PHACTR2: variants seen among roughly 807,000 people sequenced by gnomAD.
PHACTR2 encodes chromosome 6 open reading frame 56.
A neutral mutation model predicts 76.0 loss-of-function variants in PHACTR2; 30 were observed. The ratio of observed to expected loss-of-function variants is 0.39; its 90% CI spans 0.30 to 0.54. The LOEUF (loss-of-function observed/expected upper bound fraction) is 0.54, where lower values mean the gene tolerates loss of function less well. PHACTR2 is among the 20% of genes least tolerant of loss of function. The pLI, the probability that PHACTR2 is intolerant of heterozygous loss-of-function variation, is 0.61. For missense variants in PHACTR2, 696 were observed against 781.1 expected, an observed-to-expected ratio of 0.89 and a Z score of 1.30; for synonymous variants, 292 against 292.5, an observed-to-expected ratio of 1.00 and a Z score of 0.02.
At chr6:143,626,732 A>C (rs1776267301) in intron 1 of PHACTR2, among the ~76,000 whole-genome samples, 1 of 152,194 alleles carries the variant, frequency 6.6e-6, no homozygotes, top group South Asian at 2.1e-4. Flanking sequence ...CGTTGCTCTT[A>C]AGAGCTTCTG....
At position 143,581,557 on chromosome 6, in the gene PHACTR2, G is replaced by A. The variant is rs889091228; in HGVS notation, c.217+44350G>A. On this transcript the variant is annotated intron_variant, in intron 1 of 11. Transcript: ENST00000367584. This position sits in a 1 kb window ranked among gnomAD's most constrained non-coding sequence, Gnocchi z 4.5. Reference sequence around the variant, plus strand: ...ACTGAAACAGGAGGAATGGCGGGAAGGATGAATGGATATGTGTATTAATTA... The same window carrying A: ...ACTGAAACAGGAGGAATGGCGGGAAAGATGAATGGATATGTGTATTAATTA... Among the ~76,000 whole-genome samples the A allele has an allele frequency of 6.6e-6, 1 of 152,204 alleles. No homozygotes were observed. Among genetic ancestry groups the A allele is most frequent in the Non-Finnish European group, 1.5e-5 (1 of 68,036 alleles).
chr6:143,578,085 T>C lies in PHACTR2; in HGVS notation c.217+40878T>C, dbSNP rs555225523. 1.3e-5 allele frequency among the ~76,000 whole-genome samples: 2 copies of C among 152,286 alleles called. No individual in the cohort carries two copies. The highest frequency in any genetic ancestry group is 6.5e-5 in the Admixed American group (1 of 15,304). On this transcript the variant is annotated intron_variant, in intron 1 of 11. Coordinates refer to the PHACTR2 transcript ENST00000367584. This position sits in a 1 kb window ranked among gnomAD's most constrained non-coding sequence, Gnocchi z 4.5. ...TGCTTACTAGGCCCCTCCCTTTCCC[T>C]CTCATGGATTAAATCAGCCATAGTC...
intron 5 of PHACTR2, among the ~76,000 whole-genome samples, chr6:143,763,263 G>C (rs777541583): frequency 6.6e-6 from 1 of 152,090 alleles, no homozygotes; most frequent in Non-Finnish European, 1.5e-5. Flanking sequence ...GGAGACTGAG[G>C]CAGGAGAATC....
At chr6:143,721,811 G>A (rs148414468) in intron 2 of PHACTR2, among the ~76,000 whole-genome samples, 2 of 152,108 alleles carry the variant, frequency 1.3e-5, no homozygotes. Flanking sequence ...TTTTTATGGA[G>A]TTCCTGGCCC....
Position 143,824,142 on chromosome 6 carries a change from G to T in PHACTR2, c.*453G>T. 1 of 159,846 alleles carries T rather than the reference G, an allele frequency of 6.3e-6. No individual in the cohort carries two copies. Among genetic ancestry groups the T allele is most frequent in the Admixed American group, 6.0e-5 (1 of 16,604 alleles). The allele number at this position is 159,846 out of a possible 1,614,324, so 9.9% of individuals were successfully genotyped here. On this transcript the variant is annotated 3_prime_UTR_variant, in exon 13 of 13. Coordinates refer to ENST00000440869, the MANE Select transcript of PHACTR2 (RefSeq NM_001100164.2). The surrounding 1 kb of genome is among the most constrained non-coding windows in gnomAD (Gnocchi z 6.3). ...TTAATGAAGAAAAGAGAAAATTGAAGCATAAATGTATTTTTGAAGTAGTTA... is the reference window on the plus strand; with the variant it reads ...TTAATGAAGAAAAGAGAAAATTGAATCATAAATGTATTTTTGAAGTAGTTA...
chr6:143,685,545 T>G (rs988218112), intron 1 of PHACTR2, among the ~76,000 whole-genome samples: 16 of 152,084 alleles, frequency 1.1e-4, no homozygotes, highest in Non-Finnish European at 2.2e-4. Context: ...ATGACGTTCA[T>G]CCGGGGTAAC....
rs1422614089 is a variant in PHACTR2, at chr6:143,616,428, A to G, written c.13+8106A>G. Among the ~76,000 whole-genome samples the G allele has an allele frequency of 6.6e-6, 1 of 152,114 alleles. No individual in the cohort carries two copies. The highest frequency in any genetic ancestry group is 1.5e-5 in the Non-Finnish European group (1 of 68,004). ...TTCTGTTATTTTCCATGTATCCTCT[A>G]CATCTACCAGTCTGTTCCACGTCTG... On this transcript the variant is annotated intron_variant, in intron 1 of 11. Transcript: ENST00000305766. This position sits in a 1 kb window ranked among gnomAD's most constrained non-coding sequence, Gnocchi z 4.9.
Position 143,760,474 on chromosome 6 carries a change from C to T in PHACTR2, c.528C>T (p.Pro176=). 6.2e-7 allele frequency: 1 copy of T among 1,613,884 alleles called. No homozygotes were observed. Among genetic ancestry groups the T allele is most frequent in the Non-Finnish European group, 8.5e-7 (1 of 1,179,820 alleles). The part of the protein sequence containing the change: ...LPPSAPPKPR[P]KPKPKKSPVP... ...CTTCTGCTCCTCCTAAGCCTAGACC[C>T]AAACCTAAACCCAAAAAATCACCTG... The change falls in exon 5 of 13, where the codon CCC becomes CCT. Residue 176 remains proline (P), a synonymous_variant. Coordinates refer to ENST00000440869, the MANE Select transcript of PHACTR2 (RefSeq NM_001100164.2). This position sits in a 1 kb window ranked among gnomAD's most constrained non-coding sequence, Gnocchi z 6.4.
chr6:143,762,577 T>C (rs1225796359), intron 5 of PHACTR2, among the ~76,000 whole-genome samples: 3 of 152,212 alleles, frequency 2.0e-5, no homozygotes, highest in Non-Finnish European at 2.9e-5. Flanking sequence ...GATAGTCCAT[T>C]TGTAACCGTT....
intron 12 of PHACTR2, among the ~76,000 whole-genome samples, chr6:143,812,466 G>T (rs181045343): frequency 6.6e-6 from 1 of 152,176 alleles, no homozygotes; most frequent in East Asian, 1.9e-4. Flanking sequence ...GCACTGAGGG[G>T]GTACCTCTGA....
intron 1 of PHACTR2, among the ~76,000 whole-genome samples, chr6:143,614,165 T>C (rs7766319): frequency 0.58 from 87,708 of 152,024 alleles, 26,708 homozygotes; most frequent in Middle Eastern, 0.71. Flanking sequence ...GAGGTTGCAG[T>C]GAGCCGAGAC....
rs867646719 is a variant in PHACTR2 at position 143,611,496 on chromosome 6, C to G, written c.13+3174C>G. 7.2e-5 allele frequency among the ~76,000 whole-genome samples: 11 copies of G among 152,274 alleles called. No individual in the cohort carries two copies. Among genetic ancestry groups the G allele is most frequent in the Middle Eastern group, 3.4e-3 (1 of 294 alleles). ...AACGTTGGCTCTGCTACCTGTCATC[C>G]CAGTGACTGTGAACAAGTAATAGAA... On this transcript the variant is annotated intron_variant, in intron 1 of 11. Coordinates refer to the PHACTR2 transcript ENST00000305766. This position sits in a 1 kb window ranked among gnomAD's most constrained non-coding sequence, Gnocchi z 4.4.
intron 2 of PHACTR2, among the ~76,000 whole-genome samples, chr6:143,728,764 G>A (rs1210859547): frequency 6.6e-6 from 1 of 151,984 alleles, no homozygotes. Flanking sequence ...AAATGGTGCT[G>A]GAAAAAGTGA....
intron 1 of PHACTR2, among the ~76,000 whole-genome samples, chr6:143,644,925 C>A (rs1776631618): frequency 6.6e-6 from 1 of 152,094 alleles, no homozygotes; most frequent in Non-Finnish European, 1.5e-5. Context: ...GCACCCATCA[C>A]CTGAGCAGTA....
Position 143,611,210 on chromosome 6 carries a change from C to G in PHACTR2, c.13+2888C>G, listed in dbSNP as rs919255012. On this transcript the variant is annotated intron_variant, in intron 1 of 11. Coordinates refer to the PHACTR2 transcript ENST00000305766. This position sits in a 1 kb window ranked among gnomAD's most constrained non-coding sequence, Gnocchi z 4.4. ...GTGTTGGGTTTTCCCTACTTGATAT[C>G]AAGATATTTCAGTTACCATGTGTGG... 3.3e-5 allele frequency among the ~76,000 whole-genome samples: 5 copies of G among 151,958 alleles called. No individual in the cohort carries two copies. Among genetic ancestry groups the G allele is most frequent in the African/African-American group, 1.2e-4 (5 of 41,342 alleles).
chr6:143,541,345 G>T lies in PHACTR2; in HGVS notation c.217+4138G>T, dbSNP rs1421390701. ...GGGGCATAGACCATGTAAAGATTCA[G>T]CAAGTACCGACTGTTGGCCTACTGG... On this transcript the variant is annotated intron_variant, in intron 1 of 11. Coordinates refer to the PHACTR2 transcript ENST00000367584. The surrounding 1 kb of genome is among the most constrained non-coding windows in gnomAD (Gnocchi z 5.3). 6.6e-6 allele frequency among the ~76,000 whole-genome samples: 1 copy of T among 152,224 alleles called. No individual in the cohort carries two copies. Among genetic ancestry groups the T allele is most frequent in the Non-Finnish European group, 1.5e-5 (1 of 68,036 alleles).
At chr6:143,660,868 A>C (rs938714182) in intron 1 of PHACTR2, among the ~76,000 whole-genome samples, 3 of 152,198 alleles carry the variant, frequency 2.0e-5, no homozygotes, top group African/African-American at 7.2e-5. Context: ...ATAAAACCTC[A>C]AGGAAGGATG....
chr6:143,595,798 T>G lies in PHACTR2; in HGVS notation c.217+58591T>G, dbSNP rs1476263839. Among the ~76,000 whole-genome samples, 1 of 152,226 alleles carries G rather than the reference T, an allele frequency of 6.6e-6. No individual in the cohort carries two copies. The highest frequency in any genetic ancestry group is 1.5e-5 in the Non-Finnish European group (1 of 68,046). On this transcript the variant is annotated intron_variant, in intron 1 of 11. Transcript: ENST00000367584. The surrounding 1 kb of genome is among the most constrained non-coding windows in gnomAD (Gnocchi z 4.2). Reference sequence around the variant, plus strand: ...AATGTTACCAGAATGTTCTACTTAATTTAGCTTTCCAAAGATAAACACACT... The same window carrying G: ...AATGTTACCAGAATGTTCTACTTAAGTTAGCTTTCCAAAGATAAACACACT...
chr6:143,714,000 T>C (rs1778245145), intron 2 of PHACTR2, among the ~76,000 whole-genome samples: 1 of 152,252 alleles, frequency 6.6e-6, no homozygotes, highest in African/African-American at 2.4e-5. Flanking sequence ...AAAACTGATA[T>C]ATTCAGTTGG....
Sources: allele counts gnomAD v4.1 joint callset (sites outside exome capture counted in the v4.1 genomes callset), GRCh38; gene constraint gnomAD v4.1.1; non-coding constraint Gnocchi (gnomAD v3.1); transcripts MANE v1.5; gene names NCBI Gene and HGNC (gene_info 2026-07-23, HGNC 2026-07-21).